The following OPCML variants were observed in gnomAD, a reference collection of about 807,000 sequenced individuals.
The protein encoded by OPCML is opioid binding protein/cell adhesion molecule like, also known as opioid-binding protein/cell adhesion molecule.
OPCML carries 13 observed loss-of-function variants against 37.8 expected under a neutral mutation model. The ratio of observed to expected loss-of-function variants is 0.34; its 90% confidence interval spans 0.22 to 0.55. OPCML has a LOEUF of 0.55. Ranked by LOEUF, OPCML falls within the 20% of genes least tolerant of loss-of-function variation. The pLI is 0.91. For synonymous variants in OPCML, 176 were observed against 168.8 expected (o/e 1.04, Z -0.33); for missense variants, 341 against 435.6 (o/e 0.78, Z 1.93).
At chr11:133,231,704 T>C (rs12417381) in intron 1 of OPCML, among the ~76,000 whole-genome samples, 65,453 of 151,990 alleles carry the variant, frequency 0.43, 14,722 homozygotes, top group East Asian at 0.64. Context: ...TTGGGCAGTA[T>C]GCATAACCTC....
chr11:132,636,176 T>C (rs1355080141), intron 3 of OPCML, among the ~76,000 whole-genome samples: 1 of 152,190 alleles, frequency 6.6e-6, no homozygotes, highest in Admixed American at 6.5e-5. Context: ...TGTTCTAAAT[T>C]ATCTGTGGAT....
intron 2 of OPCML, among the ~76,000 whole-genome samples, chr11:132,761,122 G>A (rs1391464655): frequency 6.6e-6 from 1 of 151,984 alleles, no homozygotes; most frequent in Non-Finnish European, 1.5e-5. Flanking sequence ...GTTGAATATT[G>A]GCCCCCACTC....
At chr11:133,457,867 C>T (rs1565644260) in intron 1 of OPCML, among the ~76,000 whole-genome samples, 1 of 152,044 alleles carries the variant, frequency 6.6e-6, no homozygotes, top group Admixed American at 6.6e-5. Context: ...AAGTTCTTAG[C>T]CAGGTCTGGT....
intron 2 of OPCML, among the ~76,000 whole-genome samples, chr11:132,769,633 T>C (rs1946571346): frequency 1.3e-5 from 2 of 152,130 alleles, no homozygotes; most frequent in Admixed American, 1.3e-4. Flanking sequence ...TCCAGTAGCA[T>C]AACCAAGGAA....
At chr11:133,070,448 C>T (rs1315647177) in intron 1 of OPCML, among the ~76,000 whole-genome samples, 2 of 152,122 alleles carry the variant, frequency 1.3e-5, no homozygotes, top group African/African-American at 4.8e-5. Context: ...CCCAGCATCG[C>T]CTGGGAGAAA....
intron 1 of OPCML, chr11:133,005,437 C>T (rs1331197897): frequency 3.0e-6 from 3 of 985,286 alleles, no homozygotes; most frequent in Non-Finnish European, 3.6e-6. Context: ...CCTTTTCTAC[C>T]CCTGCTACTC....
chr11:133,514,806 A>T (rs1948230042), intron 1 of OPCML, among the ~76,000 whole-genome samples: 1 of 152,186 alleles, frequency 6.6e-6, no homozygotes, highest in Admixed American at 6.5e-5. Flanking sequence ...ACTCCTGTGT[A>T]CCCTCAAGAT....
intron 1 of OPCML, among the ~76,000 whole-genome samples, chr11:133,391,563 G>C (rs1592259371): frequency 6.6e-6 from 1 of 152,162 alleles, no homozygotes; most frequent in African/African-American, 2.4e-5. Context: ...GCTCTGCTGA[G>C]CCACCATATC....
rs530892705 is a variant in OPCML, at chr11:132,674,934, T to A, written c.147-17615A>T. On this transcript the variant is annotated intron_variant, in intron 2 of 7. Transcript: ENST00000524381. ...AAACTATATTATCCACTCTAAGTTA[T>A]GTCATTTTGTGAATAAGCTTTTCCA... is the stretch of plus-strand genomic sequence containing the variant. Among the ~76,000 whole-genome samples, 7 of 152,330 alleles carry A rather than the reference T, an allele frequency of 4.6e-5. No homozygotes were observed. The East Asian group carries it at 1.4e-3, about 29-fold the overall frequency.
intron 1 of OPCML, among the ~76,000 whole-genome samples, chr11:133,125,323 C>T (rs761358863): frequency 1.3e-5 from 2 of 151,954 alleles, no homozygotes; most frequent in South Asian, 4.2e-4. Context: ...CTTTACCTAC[C>T]AGAACTCTTT....
chr11:133,438,924 C>A (rs980869314), intron 1 of OPCML, among the ~76,000 whole-genome samples: 24 of 152,120 alleles, frequency 1.6e-4, no homozygotes, highest in African/African-American at 5.8e-4. Context: ...GAGGGGTGAA[C>A]CCGGAGAGGG....
intron 2 of OPCML, among the ~76,000 whole-genome samples, chr11:132,813,143 C>T (rs1431994020): frequency 1.3e-5 from 2 of 152,064 alleles, no homozygotes; most frequent in African/African-American, 2.4e-5. Context: ...GAACTCAGTA[C>T]ACATTTTTTT....
At chr11:133,286,815 T>C (rs1942312563) in intron 1 of OPCML, among the ~76,000 whole-genome samples, 1 of 152,230 alleles carries the variant, frequency 6.6e-6, no homozygotes, top group South Asian at 2.1e-4. Context: ...AAAACCATGC[T>C]GGATAAATAA....
At chr11:132,609,466 C>T (rs556876029) in intron 3 of OPCML, among the ~76,000 whole-genome samples, 50 of 152,180 alleles carry the variant, frequency 3.3e-4, no homozygotes, top group African/African-American at 1.2e-3. Flanking sequence ...TCTGCCTACC[C>T]TCATGCTCTG....
At chr11:132,858,329 A>G (rs1942145383) in intron 2 of OPCML, among the ~76,000 whole-genome samples, 1 of 152,140 alleles carries the variant, frequency 6.6e-6, no homozygotes, top group Non-Finnish European at 1.5e-5. Context: ...CGGGCCTGCC[A>G]GGGTGCCTCC....
chr11:133,168,975 A>G (rs1205159915), intron 1 of OPCML, among the ~76,000 whole-genome samples: 1 of 152,152 alleles, frequency 6.6e-6, no homozygotes, highest in Non-Finnish European at 1.5e-5. Flanking sequence ...CTAAAAATAC[A>G]AAAAGCTAGC....
chr11:132,577,313 T>A (rs1016107182), intron 3 of OPCML, among the ~76,000 whole-genome samples: 2 of 152,158 alleles, frequency 1.3e-5, no homozygotes, highest in Non-Finnish European at 2.9e-5. Flanking sequence ...ATACCAACCA[T>A]TGTCAATTCT....
intron 1 of OPCML, among the ~76,000 whole-genome samples, chr11:133,529,309 C>T (rs890525417): frequency 1.3e-5 from 2 of 151,846 alleles, no homozygotes; most frequent in African/African-American, 4.8e-5. Flanking sequence ...GCAGTATTCG[C>T]TTCCTGCTTC....
In OPCML at chr11:133,086,831, G is replaced by A. The variant is rs1253770047; in HGVS notation, c.62-143821C>T. 3.9e-5 allele frequency among the ~76,000 whole-genome samples: 6 copies of A among 152,138 alleles called. 1 individual carries two copies. Among genetic ancestry groups the A allele is most frequent in the South Asian group, 2.1e-4 (1 of 4,828 alleles). On this transcript the variant is annotated intron_variant, in intron 1 of 7. Transcript: ENST00000524381. ...ATTCTACATATAAGTAAGATCGTGCGGTACTTGTGTTTCTGTGTCTGGCTT... is the reference window on the plus strand; with the variant it reads ...ATTCTACATATAAGTAAGATCGTGCAGTACTTGTGTTTCTGTGTCTGGCTT...
Sources: allele counts gnomAD v4.1 joint callset (sites outside exome capture counted in the v4.1 genomes callset), GRCh38; gene constraint gnomAD v4.1.1; transcripts MANE v1.5; gene names NCBI Gene and HGNC (gene_info 2026-07-23, HGNC 2026-07-21).